Variants in DRC3 observed in about 807,000 individuals in gnomAD.
DRC3 encodes leucine rich repeat containing 48.
In DRC3, 45 loss-of-function variants were observed where a neutral mutation model predicts 57.6. That is an observed-to-expected ratio of 0.78 (90% CI 0.62 to 1.00). The LOEUF is 1.00. DRC3 is among the 50% of genes least tolerant of loss of function. The probability of loss-of-function intolerance (pLI) is 0.00; values close to 1 mark genes in which losing one functional copy is unlikely to be tolerated. For synonymous variants in DRC3, 257 were observed against 272.3 expected (o/e 0.94, Z 0.55); for missense variants, 655 against 675.2 (o/e 0.97, Z 0.33).
At chr17:17,999,988 G>T (rs2043630983) in intron 9 of DRC3, among the ~76,000 whole-genome samples, 1 of 152,108 alleles carries the variant, frequency 6.6e-6, no homozygotes, top group African/African-American at 2.4e-5. Context: ...TCGTGTGTGT[G>T]TGTGAGCATA....
chr17:18,002,537 A>C (rs761780175), intron 9 of DRC3, among the ~76,000 whole-genome samples: 3 of 152,152 alleles, frequency 2.0e-5, no homozygotes, highest in Non-Finnish European at 4.4e-5. Context: ...AGTAGCTTCC[A>C]CTTGCTCACT....
At chr17:18,003,780 C>CT (rs967806744) in intron 9 of DRC3, among the ~76,000 whole-genome samples, 2 of 148,582 alleles carry the variant, frequency 1.3e-5, no homozygotes, top group African/African-American at 4.9e-5. Flanking sequence ...GTAGCTGGGA[C>CT]TACAGGCACC....
chr17:17,992,155 A>G (rs948833882), intron 5 of DRC3, among the ~76,000 whole-genome samples: 3 of 152,100 alleles, frequency 2.0e-5, no homozygotes, highest in African/African-American at 4.8e-5. Flanking sequence ...CAGGCCTGTA[A>G]TCCCAGCTAC....
chr17:17,981,209 TG>T, intron 3 of DRC3: 2 of 248,454 alleles, frequency 8.0e-6, no homozygotes, highest in Non-Finnish European at 8.9e-6. Flanking sequence ...GCTCTGCAGT[TG>T]GGGCATCTTT....
chr17:17,980,553 C>G (rs1361118826), intron 3 of DRC3, among the ~76,000 whole-genome samples: 1 of 151,402 alleles, frequency 6.6e-6, no homozygotes, highest in Non-Finnish European at 1.5e-5. Context: ...CCTCAGGCTC[C>G]CAAAGTGCTA....
intron 4 of DRC3, among the ~76,000 whole-genome samples, chr17:17,987,613 A>G (rs765689062): frequency 1.3e-5 from 2 of 152,198 alleles, no homozygotes; most frequent in African/African-American, 2.4e-5. Flanking sequence ...CCGACCCCCA[A>G]GGGCACTGCT....
In DRC3 at chr17:18,008,808, G is replaced by T. The variant is rs1318033342; in HGVS notation, c.1326+1661G>T. On this transcript the variant is annotated intron_variant, in intron 12 of 13. Transcript: ENST00000399187. The surrounding 1 kb of genome is among the most constrained non-coding windows in gnomAD (Gnocchi z 4.3). ...AATTCCCCAGACAGACCATCTTGGG[G>T]TGGGTGGAGATCCCTCCCAGCACAG... Among the ~76,000 whole-genome samples the T allele has an allele frequency of 6.6e-6, 1 of 152,218 alleles. No homozygotes were observed. The highest frequency in any genetic ancestry group is 1.5e-5 in the Non-Finnish European group (1 of 68,034).
chr17:17,994,476 T>TGATCAAGTAAAACGGTCCTCAGG, intron 7 of DRC3, 58 bp downstream of exon 7: 1 of 1,538,014 alleles, frequency 6.5e-7, no homozygotes, highest in East Asian at 2.5e-5. Context: ...AAGAGGGCAC[T>TGATCAAGTAAAACGGTCCTCAGG]GATCAAGTAA....
chr17:17,988,027 G>T lies in DRC3; in HGVS notation c.373G>T (p.Asp125Tyr), dbSNP rs1391670371. Residue 125 changes from aspartate (D) to tyrosine (Y), a missense_variant, in exon 5 of 14, where the codon GAC becomes TAC. Transcript: ENST00000399187. ...SLFNNRISKI[D>Y]SLDALVKLQV... The stretch of plus-strand genomic sequence containing the variant: ...GTTCAACAACCGGATCTCCAAGATC[G>T]ACTCCCTGGACGCCCTCGTCAAGCT... 1 of 1,614,000 alleles carries T rather than the reference G, an allele frequency of 6.2e-7. No individual in the cohort carries two copies. The highest frequency in any genetic ancestry group is 8.5e-7 in the Non-Finnish European group (1 of 1,179,906).
chr17:18,012,071 C>T (rs867481274), intron 12 of DRC3, among the ~76,000 whole-genome samples: 2 of 152,034 alleles, frequency 1.3e-5, no homozygotes, highest in East Asian at 3.8e-4. Context: ...TCAAGTGATC[C>T]GCCCACCTTG....
chr17:17,999,970 C>A (rs1182669035), intron 9 of DRC3, among the ~76,000 whole-genome samples: 1 of 151,406 alleles, frequency 6.6e-6, no homozygotes, highest in African/African-American at 2.4e-5. Flanking sequence ...CTATTCTGTA[C>A]TTTGCTTTCG....
intron 13 of DRC3, 124 bp downstream of exon 13, chr17:18,016,319 G>A: frequency 8.6e-7 from 1 of 1,159,832 alleles, no homozygotes; most frequent in Non-Finnish European, 1.2e-6. Flanking sequence ...TAAAATTAAG[G>A]ATTATAGAAT....
chr17:17,982,287 C>T (rs2042734982), intron 3 of DRC3, among the ~76,000 whole-genome samples: 2 of 149,856 alleles, frequency 1.3e-5, no homozygotes, highest in African/African-American at 4.9e-5. Context: ...GCAATCTCGG[C>T]TCACTGAAAG....
At chr17:18,009,079 G>A (rs2044079834) in intron 12 of DRC3, among the ~76,000 whole-genome samples, 1 of 152,164 alleles carries the variant, frequency 6.6e-6, no homozygotes, top group South Asian at 2.1e-4. Context: ...CATGGCCTAA[G>A]TCTCCTTCCA....
rs780518045 is a variant in DRC3 at position 17,997,515 on chromosome 17, C to T, written c.880C>T (p.Gln294Ter). The change falls in exon 9 of 14, where the codon CAG (glutamine) becomes TAG (stop). Residue 294 changes from glutamine (Q) to a stop codon, truncating the protein, a stop_gained. Transcript: ENST00000399187. LOFTEE classifies it high-confidence loss of function. ...GAATATTTTTGAGTATGGCCTGAAA[C>T]AGCAGGAGAAGCGGAAAACAGAGCT... ...CVNIFEYGLK[Q>*]QEKRKTELDT... The T allele has an allele frequency of 1.4e-5, 23 of 1,612,750 alleles. No homozygotes were observed. The highest frequency in any genetic ancestry group is 1.8e-5 in the Non-Finnish European group (21 of 1,179,488).
chr17:18,013,301 T>G (rs2044232342), intron 12 of DRC3, among the ~76,000 whole-genome samples: 1 of 152,168 alleles, frequency 6.6e-6, no homozygotes, highest in Non-Finnish European at 1.5e-5. Flanking sequence ...CTACTGAGCA[T>G]TTGTCTAAAG....
At chr17:17,978,352 G>A (rs147960959) in intron 3 of DRC3, among the ~76,000 whole-genome samples, 5 of 152,190 alleles carry the variant, frequency 3.3e-5, no homozygotes, top group Non-Finnish European at 5.9e-5. Flanking sequence ...AGCATTGGGT[G>A]GGGGGACAAG....
At chr17:17,986,909 T>C (rs1597573568) in intron 4 of DRC3, among the ~76,000 whole-genome samples, 1 of 152,004 alleles carries the variant, frequency 6.6e-6, no homozygotes, top group Non-Finnish European at 1.5e-5. Context: ...TGAAAACCTG[T>C]AGTGGGGAAA....
At chr17:17,979,335 C>T (rs996458428) in intron 3 of DRC3, among the ~76,000 whole-genome samples, 1 of 152,008 alleles carries the variant, frequency 6.6e-6, no homozygotes, top group Non-Finnish European at 1.5e-5. Flanking sequence ...GGGTCCTGAG[C>T]AGAAGTGGGA....
Sources: gnomAD v4.1 joint callset for allele counts (sites outside exome capture counted in the v4.1 genomes callset) on GRCh38, gnomAD v4.1.1 for gene constraint, Gnocchi (gnomAD v3.1) non-coding constraint, MANE v1.5 for transcripts, NCBI Gene and HGNC (gene_info 2026-07-23, HGNC 2026-07-21) for gene names.